DIP2C: variants seen among roughly 807,000 people sequenced by gnomAD.
DIP2C encodes the protein DIP2 acetate--CoA ligase C (putative), also known as disco-interacting protein 2 homolog C.
Under a neutral mutation model 192.4 loss-of-function variants are expected in DIP2C, and 33 were observed. That is an observed-to-expected ratio of 0.17 (90% confidence interval 0.13 to 0.23). The LOEUF is 0.23. Among genes scored for constraint, DIP2C ranks in the 10% least tolerant of loss-of-function variants. DIP2C has a pLI of 1.00. For missense variants in DIP2C, 1,537 were observed against 2,110.1 expected (o/e 0.73, Z 5.32); for synonymous variants, 979 against 864.1 (o/e 1.13, Z -2.33).
rs1423032450 is a variant in DIP2C, at chr10:283,431, C to G, written c.4135G>C (p.Ala1379Pro). 5.0e-6 allele frequency: 8 copies of G among 1,613,978 alleles called. No individual in the cohort carries two copies. In the African/African-American group the frequency reaches 1.1e-4, roughly 22 times the overall value. Residue 1379 changes from alanine to proline, a missense_variant, in exon 35 of 37, where the codon GCC becomes CCC. Transcript: ENST00000280886. ...SHLGEIWVHS[A>P]HNASGYFTIY... ...GTGAAATAACCGCTGGCATTGTGGG[C>G]ACTGTGAACCCAAATCTGCAAACGG...
intron 34 of DIP2C, among the ~76,000 whole-genome samples, chr10:285,448 T>C (rs1955060969): frequency 6.6e-6 from 1 of 152,140 alleles, no homozygotes; most frequent in African/African-American, 2.4e-5. Flanking sequence ...GACATGGGGC[T>C]TTGTCCAACG....
chr10:489,928 T>C (rs56030908), intron 1 of DIP2C, among the ~76,000 whole-genome samples: 1 of 16,926 alleles, frequency 5.9e-5, no homozygotes, highest in African/African-American at 2.2e-4. Context: ...CCTTCCTCCA[T>C]TTCACACCAG....
At chr10:532,408 G>A (rs59361292) in intron 1 of DIP2C, among the ~76,000 whole-genome samples, 129 of 152,302 alleles carry the variant, frequency 8.5e-4, no homozygotes, top group East Asian at 5.8e-3. Context: ...AAAACTGGCC[G>A]CTGCATTTTC....
At chr10:280,643 C>A (rs2132129688) in intron 36 of DIP2C, among the ~76,000 whole-genome samples, 1 of 152,150 alleles carries the variant, frequency 6.6e-6, no homozygotes, top group East Asian at 2.0e-4. Flanking sequence ...GAGAGAAAGA[C>A]AAAGTCCCAG....
rs545236375 is a variant in DIP2C at position 493,028 on chromosome 10, G to A, written c.86-6498C>T. On this transcript the variant is annotated intron_variant, in intron 1 of 36. Transcript: ENST00000280886. The stretch of plus-strand genomic sequence containing the variant: ...TCAAAGCACGTGTGCAGTGTGCCGC[G>A]CGGAGCAGAGGCTTTGTGAGTTTGA... 4.6e-5 allele frequency among the ~76,000 whole-genome samples: 7 copies of A among 152,316 alleles called. No homozygotes were observed. The South Asian group carries it at 8.3e-4, about 18-fold the overall frequency.
chr10:651,784 T>C lies in DIP2C; in HGVS notation c.85+37710A>G. On this transcript the variant is annotated intron_variant, in intron 1 of 36. Coordinates refer to ENST00000280886, the MANE Select transcript of DIP2C (RefSeq NM_014974.3). This position sits in a 1 kb window ranked among gnomAD's most constrained non-coding sequence, Gnocchi z 4.1. ...GGCCTGGCATCGCCCACCCAGGTCA[T>C]CAGTCATCATCAGCAGCAGCTGCGG... The C allele has an allele frequency of 3.8e-6, 1 of 260,700 alleles. No homozygotes were observed. The highest frequency in any genetic ancestry group is 5.2e-5 in the Admixed American group (1 of 19,414). 16.1% of individuals were successfully genotyped at this position (260,700 alleles called of 1,614,324 possible). A position where few individuals can be genotyped will look rare whatever the true frequency, so the allele number is the denominator to read the frequency against.
intron 1 of DIP2C, among the ~76,000 whole-genome samples, chr10:499,222 G>T (rs776162717): frequency 1.3e-5 from 2 of 152,204 alleles, no homozygotes; most frequent in Non-Finnish European, 2.9e-5. Context: ...TGGCTACACA[G>T]CTGAGGTTTC....
chr10:344,174 A>C (rs2132582054), intron 28 of DIP2C, among the ~76,000 whole-genome samples: 1 of 152,352 alleles, frequency 6.6e-6, no homozygotes, highest in South Asian at 2.1e-4. Flanking sequence ...ACTTCAGACC[A>C]CAGTAAGTAA....
intron 13 of DIP2C, among the ~76,000 whole-genome samples, chr10:388,016 CAT>C (rs1354519196): frequency 1.3e-5 from 2 of 152,322 alleles, no homozygotes; most frequent in South Asian, 2.1e-4. Context: ...TATCCTGACA[CAT>C]GAGTGAGCAG....
rs1959194602 is a variant in DIP2C at position 359,099 on chromosome 10, C to T, written c.2795-1162G>A. ...CGTGTCAAAAACAGACACACGTGCC[C>T]AGATGCAGCTGACGGGGCAGTGGCA... On this transcript the variant is annotated intron_variant, in intron 22 of 36. Transcript: ENST00000280886. Among the ~76,000 whole-genome samples the T allele has an allele frequency of 2.6e-5, 4 of 152,136 alleles. No homozygotes were observed. In the East Asian group the frequency reaches 7.7e-4, roughly 29 times the overall value.
At chr10:569,499 C>CAA (rs1849650529) in intron 1 of DIP2C, among the ~76,000 whole-genome samples, 1 of 152,138 alleles carries the variant, frequency 6.6e-6, no homozygotes, top group Admixed American at 6.5e-5. Flanking sequence ...AGCTCAAACT[C>CAA]AAACGCAAAA....
Position 488,956 on chromosome 10 carries a change from G to A in DIP2C, c.86-2426C>T, listed in dbSNP as rs551646917. 2.9e-3 allele frequency among the ~76,000 whole-genome samples: 436 copies of A among 152,310 alleles called. 1 individual carries two copies. Among genetic ancestry groups the A allele is most frequent in the African/African-American group, 8.4e-3 (351 of 41,570 alleles). On this transcript the variant is annotated intron_variant, in intron 1 of 36. Coordinates refer to ENST00000280886, the MANE Select transcript of DIP2C (RefSeq NM_014974.3). ...GAGACCTGCAGGTAAGTGACTGGCT[G>A]GGAGTGCGCTGAAGACCTGGGCAGA...
intron 1 of DIP2C, among the ~76,000 whole-genome samples, chr10:656,676 T>A (rs1856353551): frequency 6.6e-6 from 1 of 152,156 alleles, no homozygotes; most frequent in Non-Finnish European, 1.5e-5. Context: ...GATAAGATCC[T>A]ACGAAACCAG....
intron 32 of DIP2C, among the ~76,000 whole-genome samples, chr10:302,608 CCA>C (rs914947310): frequency 3.3e-5 from 5 of 152,294 alleles, no homozygotes; most frequent in African/African-American, 9.6e-5. Context: ...CACGCAAACA[CCA>C]CAGAGTGGAC....
chr10:377,823 G>A (rs925387801), intron 17 of DIP2C, among the ~76,000 whole-genome samples: 3 of 151,862 alleles, frequency 2.0e-5, no homozygotes, highest in South Asian at 2.1e-4. Flanking sequence ...GTGACAAGGG[G>A]GTATTTTATC....
rs150474787 is a variant in DIP2C, at chr10:462,929, C to T, written c.268+9510G>A. Reference sequence around the variant, plus strand: ...AATGACAAAAACCACATGATTATCCCAATAGATGCAGAAAAGGCCTTTGAT... The same window carrying T: ...AATGACAAAAACCACATGATTATCCTAATAGATGCAGAAAAGGCCTTTGAT... On this transcript the variant is annotated intron_variant, in intron 3 of 36. Transcript: ENST00000280886. Among the ~76,000 whole-genome samples the T allele has an allele frequency of 5.9e-3, 897 of 152,230 alleles. 11 individuals are homozygous for T. Among genetic ancestry groups the T allele is most frequent in the African/African-American group, 0.021 (852 of 41,520 alleles).
At chr10:388,288 G>A (rs1171816151) in intron 13 of DIP2C, among the ~76,000 whole-genome samples, 1 of 152,142 alleles carries the variant, frequency 6.6e-6, no homozygotes, top group Non-Finnish European at 1.5e-5. Context: ...TTGGAAGACG[G>A]GGAGGACAAT....
At position 422,885 on chromosome 10, in the gene DIP2C, C is replaced by T. The variant is rs377380348; in HGVS notation, c.543G>A (p.Thr181=). The change falls in exon 5 of 37, where the codon ACG becomes ACA. Residue 181 remains threonine, a synonymous_variant. Coordinates refer to ENST00000280886, the MANE Select transcript of DIP2C (RefSeq NM_014974.3). The stretch of plus-strand genomic sequence containing the variant: ...GGGCAGCCCCGCTGCCCCCGCTCTG[C>T]GTAGAGGACGAGGAGGTGGTGGACG... ...STTSTTSSSS[T]QSGGSGAAHR... The T allele has an allele frequency of 3.8e-4, 607 of 1,613,730 alleles. 9 individuals are homozygous for T. The Middle Eastern group carries it at 3.9e-3, about 10-fold the overall frequency.
intron 1 of DIP2C, among the ~76,000 whole-genome samples, chr10:598,554 G>A (rs553816769): frequency 6.6e-6 from 1 of 151,012 alleles, no homozygotes; most frequent in South Asian, 2.1e-4. Flanking sequence ...TCCCCCCACA[G>A]CTCCTCTTCC....
Sources: allele counts gnomAD v4.1 joint callset (sites outside exome capture counted in the v4.1 genomes callset), GRCh38; gene constraint gnomAD v4.1.1; non-coding constraint Gnocchi (gnomAD v3.1); transcripts MANE v1.5; gene names NCBI Gene and HGNC (gene_info 2026-07-23, HGNC 2026-07-21).